CDKAL1: variants seen among roughly 807,000 people sequenced by gnomAD.
CDKAL1 encodes the protein threonylcarbamoyladenosine tRNA methylthiotransferase.
CDKAL1 carries 32 observed loss-of-function variants against 68.2 expected under a neutral mutation model. The ratio of observed to expected loss-of-function variants is 0.47; its 90% CI spans 0.35 to 0.63. The LOEUF (loss-of-function observed/expected upper bound fraction) is 0.63. Among genes scored for constraint, CDKAL1 ranks in the 30% least tolerant of loss-of-function variants. The pLI, the probability that CDKAL1 is intolerant of heterozygous loss-of-function variation, is 0.00. For missense variants in CDKAL1, 606 were observed against 696.7 expected (o/e 0.87, Z 1.47); for synonymous variants, 234 against 244.3 (o/e 0.96, Z 0.39).
In CDKAL1 at chr6:20,562,513, C is replaced by T. The variant is rs974796542; in HGVS notation, c.286+13808C>T. Among the ~76,000 whole-genome samples the T allele has an allele frequency of 1.3e-5, 2 of 151,780 alleles. 1 individual carries two copies. Among genetic ancestry groups the T allele is most frequent in the South Asian group, 4.2e-4 (2 of 4,806 alleles). On this transcript the variant is annotated intron_variant, in intron 4 of 15. Coordinates refer to ENST00000274695, the MANE Select transcript of CDKAL1 (RefSeq NM_017774.3). ...GCCTGTAATCCCAGGCTGAGGTGGG[C>T]GGATCACTTGAGGTTAGGAGTTCCA...
At chr6:20,695,873 T>C (rs78227720) in intron 5 of CDKAL1, among the ~76,000 whole-genome samples, 2,278 of 152,300 alleles carry the variant, frequency 0.015, 49 homozygotes, top group African/African-American at 0.052. Context: ...TACCATGATT[T>C]GTCTGCAGAG....
At chr6:21,068,033 C>T (rs1328335672) in intron 12 of CDKAL1, among the ~76,000 whole-genome samples, 1 of 150,226 alleles carries the variant, frequency 6.7e-6, no homozygotes, top group Non-Finnish European at 1.5e-5. Context: ...ATCTTTTGCC[C>T]ATCTACCTGT....
At chr6:20,887,143 A>G (rs957585048) in intron 9 of CDKAL1, among the ~76,000 whole-genome samples, 1 of 152,244 alleles carries the variant, frequency 6.6e-6, no homozygotes, top group African/African-American at 2.4e-5. Flanking sequence ...TACATGAAGT[A>G]CAACCACCAG....
chr6:20,665,956 C>T (rs1442586882), intron 5 of CDKAL1, among the ~76,000 whole-genome samples: 1 of 149,266 alleles, frequency 6.7e-6, no homozygotes, highest in Non-Finnish European at 1.5e-5. Context: ...TGCACCCCCC[C>T]AATTAGTATT....
At chr6:20,973,091 A>C (rs934663322) in intron 10 of CDKAL1, among the ~76,000 whole-genome samples, 7 of 152,046 alleles carry the variant, frequency 4.6e-5, no homozygotes, top group African/African-American at 1.4e-4. Context: ...AAAAAAAAAA[A>C]AGACTTTAAA....
intron 15 of CDKAL1, among the ~76,000 whole-genome samples, chr6:21,227,700 A>C (rs867591585): frequency 6.6e-6 from 1 of 152,130 alleles, no homozygotes; most frequent in African/African-American, 2.4e-5. Context: ...TACCTTTATG[A>C]ATCAGTTATG....
intron 8 of CDKAL1, among the ~76,000 whole-genome samples, chr6:20,809,502 A>G (rs1297386386): frequency 6.6e-6 from 1 of 152,140 alleles, no homozygotes; most frequent in Non-Finnish European, 1.5e-5. Context: ...ATATTTTACT[A>G]CACTTGGAAT....
intron 12 of CDKAL1, among the ~76,000 whole-genome samples, chr6:21,095,734 G>GAAGTGA (rs1773283645): frequency 6.6e-6 from 1 of 152,158 alleles, no homozygotes; most frequent in Non-Finnish European, 1.5e-5. Context: ...ACTGATTTCT[G>GAAGTGA]AAGTGACATA....
intron 4 of CDKAL1, among the ~76,000 whole-genome samples, chr6:20,592,107 CT>C (rs1477284453): frequency 6.6e-6 from 1 of 152,080 alleles, no homozygotes; most frequent in Non-Finnish European, 1.5e-5. Flanking sequence ...AGTTGGATTC[CT>C]AGGTATTTTA....
intron 9 of CDKAL1, among the ~76,000 whole-genome samples, chr6:20,936,056 A>G (rs1763690827): frequency 6.6e-6 from 1 of 152,204 alleles, no homozygotes; most frequent in Non-Finnish European, 1.5e-5. Flanking sequence ...AATGCATTTT[A>G]TCTTTACTGT....
chr6:20,536,438 G>A (rs577803278), intron 2 of CDKAL1, among the ~76,000 whole-genome samples: 21 of 152,010 alleles, frequency 1.4e-4, no homozygotes, highest in African/African-American at 4.6e-4. Flanking sequence ...ATGTGAAATA[G>A]GGCTCCAACT....
intron 8 of CDKAL1, among the ~76,000 whole-genome samples, chr6:20,789,631 A>G (rs565914074): frequency 2.2e-4 from 33 of 152,216 alleles, no homozygotes; most frequent in Non-Finnish European, 4.6e-4. Flanking sequence ...TAAAAAGTAC[A>G]TCTTGCTTAT....
chr6:20,635,763 T>C (rs1767878738), intron 4 of CDKAL1, among the ~76,000 whole-genome samples: 1 of 152,210 alleles, frequency 6.6e-6, no homozygotes, highest in South Asian at 2.1e-4. Context: ...GGTCTTTGGC[T>C]GAGTCTGAAA....
chr6:20,610,850 G>T (rs1321201949), intron 4 of CDKAL1, among the ~76,000 whole-genome samples: 1 of 152,200 alleles, frequency 6.6e-6, no homozygotes, highest in Non-Finnish European at 1.5e-5. Flanking sequence ...TTGTTGGAAT[G>T]AGTCTAGTTT....
intron 4 of CDKAL1, chr6:20,558,598 G>A: frequency 2.2e-6 from 1 of 456,454 alleles, no homozygotes; most frequent in Non-Finnish European, 4.4e-6. Context: ...GCCTGGGCCA[G>A]GAAAAATCAC....
chr6:20,987,210 T>A (rs998378893), intron 10 of CDKAL1, among the ~76,000 whole-genome samples: 3 of 152,134 alleles, frequency 2.0e-5, no homozygotes, highest in African/African-American at 7.2e-5. Flanking sequence ...CTAAACTGTG[T>A]CCACCATTTT....
chr6:20,693,475 A>G (rs1031344308), intron 5 of CDKAL1, among the ~76,000 whole-genome samples: 3 of 152,340 alleles, frequency 2.0e-5, no homozygotes, highest in Non-Finnish European at 2.9e-5. Flanking sequence ...CATTTTATCA[A>G]GAGGGAGAAG....
At chr6:20,561,955 C>T (rs955135296) in intron 4 of CDKAL1, among the ~76,000 whole-genome samples, 43 of 152,232 alleles carry the variant, frequency 2.8e-4, no homozygotes, top group Admixed American at 5.2e-4. Flanking sequence ...TATCACTTTT[C>T]CTGTCATGGA....
intron 5 of CDKAL1, among the ~76,000 whole-genome samples, chr6:20,681,710 T>C (rs1453412334): frequency 5.9e-5 from 9 of 152,092 alleles, no homozygotes; most frequent in African/African-American, 2.2e-4. Flanking sequence ...GTTCCAGTTT[T>C]CCTCCATTTT....
Sources: gnomAD v4.1 joint callset for allele counts (sites outside exome capture counted in the v4.1 genomes callset) on GRCh38, gnomAD v4.1.1 for gene constraint, MANE v1.5 for transcripts, NCBI Gene and HGNC (gene_info 2026-07-23, HGNC 2026-07-21) for gene names.